Variants in FAM53B observed in about 807,000 individuals in gnomAD.
FAM53B encodes family with sequence similarity 53 member B, also known as protein FAM53B.
FAM53B carries 12 observed loss-of-function variants against 32.7 expected under a neutral mutation model. The ratio of observed to expected loss-of-function variants is 0.37; its 90% CI spans 0.24 to 0.59. The LOEUF is 0.59. FAM53B is among the 20% of genes least tolerant of loss of function. FAM53B has a pLI of 0.72. For synonymous variants in FAM53B, 234 were observed against 228.7 expected (o/e 1.02, Z -0.21); for missense variants, 477 against 577.7 (o/e 0.83, Z 1.79).
At chr10:124,658,972 G>A (rs1295324520) in intron 4 of FAM53B, among the ~76,000 whole-genome samples, 1 of 152,218 alleles carries the variant, frequency 6.6e-6, no homozygotes, top group African/African-American at 2.4e-5. Context: ...ATGGCCCTAG[G>A]TGAGTTATTT....
In FAM53B at chr10:124,665,095, T is replaced by C. The variant is rs140209298; in HGVS notation, c.906+16512A>G. Among the ~76,000 whole-genome samples the C allele has an allele frequency of 6.4e-4, 97 of 152,296 alleles. 1 individual carries two copies. Among genetic ancestry groups the C allele is most frequent in the African/African-American group, 2.3e-3 (94 of 41,534 alleles). On this transcript the variant is annotated intron_variant, in intron 4 of 4. Coordinates refer to ENST00000337318, the MANE Select transcript of FAM53B (RefSeq NM_014661.4). Reference sequence around the variant, plus strand: ...TTGTGTGCACCAGGCTCTTGGACCCTCATTGAGAACCAGGCAAGAAATTCC... The same window carrying C: ...TTGTGTGCACCAGGCTCTTGGACCCCCATTGAGAACCAGGCAAGAAATTCC...
At chr10:124,627,813 G>A (rs1589729599) in intron 4 of FAM53B, among the ~76,000 whole-genome samples, 1 of 72,904 alleles carries the variant, frequency 1.4e-5, no homozygotes, top group East Asian at 2.6e-4. Flanking sequence ...GCCCCAGCCG[G>A]CCTCCCTAGG....
intron 4 of FAM53B, among the ~76,000 whole-genome samples, chr10:124,635,552 C>G (rs1478959222): frequency 6.6e-6 from 1 of 152,198 alleles, no homozygotes; most frequent in Non-Finnish European, 1.5e-5. Context: ...GGACCAGCCT[C>G]TACTGAGAGG....
intron 2 of FAM53B, among the ~76,000 whole-genome samples, chr10:124,703,284 G>A (rs971517501): frequency 4.6e-5 from 7 of 152,288 alleles, no homozygotes; most frequent in African/African-American, 1.4e-4. Flanking sequence ...TCCTGACCTC[G>A]TGATCCGCCC....
At chr10:124,671,404 G>T (rs536794702) in intron 4 of FAM53B, among the ~76,000 whole-genome samples, 1 of 152,290 alleles carries the variant, frequency 6.6e-6, no homozygotes, top group South Asian at 2.1e-4. Flanking sequence ...GCTTCTGCAT[G>T]ATATTAATAC....
rs369963728 is a variant in FAM53B at position 124,632,670 on chromosome 10, A to G, written c.907-9066T>C. 1.1e-3 allele frequency among the ~76,000 whole-genome samples: 175 copies of G among 152,310 alleles called. 1 individual carries two copies. Among genetic ancestry groups the G allele is most frequent in the African/African-American group, 4.1e-3 (169 of 41,568 alleles). On this transcript the variant is annotated intron_variant, in intron 4 of 4. Transcript: ENST00000337318. ...CCAGCAGCTCACAACTCTGTTCCAGATATTGTCTTCCATGGAGGGCACACT... is the reference window on the plus strand; with the variant it reads ...CCAGCAGCTCACAACTCTGTTCCAGGTATTGTCTTCCATGGAGGGCACACT...
intron 3 of FAM53B, among the ~76,000 whole-genome samples, chr10:124,685,634 G>A (rs573745138): frequency 5.9e-5 from 9 of 152,200 alleles, no homozygotes; most frequent in Non-Finnish European, 1.2e-4. Context: ...ATGAAAAGGA[G>A]TTGATCCCAC....
intron 1 of FAM53B, among the ~76,000 whole-genome samples, chr10:124,721,671 C>T (rs538735317): frequency 6.6e-6 from 1 of 152,348 alleles, no homozygotes; most frequent in East Asian, 1.9e-4. Context: ...AGTCACTTGC[C>T]TTTCACAAGG....
chr10:124,668,354 A>G (rs1271191972), intron 4 of FAM53B, among the ~76,000 whole-genome samples: 1 of 152,216 alleles, frequency 6.6e-6, no homozygotes, highest in Non-Finnish European at 1.5e-5. Flanking sequence ...CCCCTGCCGC[A>G]GGGTATTTAT....
chr10:124,679,006 A>C (rs918686705), intron 4 of FAM53B, among the ~76,000 whole-genome samples: 5 of 152,198 alleles, frequency 3.3e-5, no homozygotes, highest in African/African-American at 9.7e-5. Flanking sequence ...CTTTAACCCG[A>C]GGCTCTCACA....
At chr10:124,654,829 A>C (rs1466982117) in intron 4 of FAM53B, among the ~76,000 whole-genome samples, 1 of 152,188 alleles carries the variant, frequency 6.6e-6, no homozygotes, top group Non-Finnish European at 1.5e-5. Context: ...GGAGGTAAGG[A>C]GGCCCCGGCG....
chr10:124,693,197 C>T (rs779141166), intron 3 of FAM53B, among the ~76,000 whole-genome samples: 2 of 151,948 alleles, frequency 1.3e-5, no homozygotes, highest in African/African-American at 4.8e-5. Flanking sequence ...GCACGCCGGG[C>T]GCGGTGGCTC....
At chr10:124,715,179 C>A (rs559392924) in intron 1 of FAM53B, among the ~76,000 whole-genome samples, 4 of 152,350 alleles carry the variant, frequency 2.6e-5, no homozygotes, top group African/African-American at 9.6e-5. Flanking sequence ...TAATACAGCC[C>A]ATCCTGAGGT....
intron 4 of FAM53B, among the ~76,000 whole-genome samples, chr10:124,638,003 T>C (rs1330391111): frequency 6.6e-6 from 1 of 152,148 alleles, no homozygotes; most frequent in African/African-American, 2.4e-5. Context: ...CCCTGATGCC[T>C]GGAAAAACAG....
intron 4 of FAM53B, among the ~76,000 whole-genome samples, chr10:124,639,515 C>T (rs1949456768): frequency 1.3e-5 from 2 of 152,162 alleles, no homozygotes; most frequent in Non-Finnish European, 2.9e-5. Flanking sequence ...CAGAAGGGGT[C>T]CTGGGAAGAC....
At chr10:124,677,092 G>A (rs551516805) in intron 4 of FAM53B, among the ~76,000 whole-genome samples, 1 of 152,312 alleles carries the variant, frequency 6.6e-6, no homozygotes, top group East Asian at 1.9e-4. Flanking sequence ...CAGGGACTAT[G>A]ACACCTAGGG....
intron 1 of FAM53B, among the ~76,000 whole-genome samples, chr10:124,717,626 G>C (rs1950045149): frequency 6.6e-6 from 1 of 152,234 alleles, no homozygotes; most frequent in African/African-American, 2.4e-5. Context: ...CGAGGTAGCG[G>C]GGAGGTGGTG....
intron 1 of FAM53B, among the ~76,000 whole-genome samples, chr10:124,737,586 G>A (rs906787400): frequency 6.6e-6 from 1 of 152,188 alleles, no homozygotes; most frequent in African/African-American, 2.4e-5. Context: ...ACGGGACCCT[G>A]GGAGAGTCAC....
intron 1 of FAM53B, among the ~76,000 whole-genome samples, chr10:124,727,255 C>A (rs1022059633): frequency 6.9e-6 from 1 of 144,242 alleles, no homozygotes; most frequent in Non-Finnish European, 1.5e-5. Flanking sequence ...TGGGCTCAAG[C>A]GATCTGCCTG....
Sources: gnomAD v4.1 joint callset for allele counts (sites outside exome capture counted in the v4.1 genomes callset) on GRCh38, gnomAD v4.1.1 for gene constraint, MANE v1.5 for transcripts, NCBI Gene and HGNC (gene_info 2026-07-23, HGNC 2026-07-21) for gene names.